Variants in FAM20C observed in about 807,000 individuals in gnomAD.
FAM20C encodes extracellular serine/threonine protein kinase FAM20C.
FAM20C carries 40 observed loss-of-function variants against 51.5 expected under a neutral mutation model. The ratio of observed to expected loss-of-function variants is 0.78; its 90% confidence interval spans 0.60 to 1.01. The LOEUF (loss-of-function observed/expected upper bound fraction) is 1.01, where lower values mean the gene tolerates loss of function less well. FAM20C is among the 50% of genes least tolerant of loss of function. FAM20C has a pLI of 0.00. For synonymous variants in FAM20C, 406 were observed against 380.6 expected, an observed-to-expected ratio of 1.07 and a Z score of -0.78; for missense variants, 861 against 844.7, an observed-to-expected ratio of 1.02 and a Z score of -0.24.
chr7:208,806 A>C (rs1207105043), intron 2 of FAM20C, 92 bp from the exon 3 acceptor site: 1 of 1,304,384 alleles, frequency 7.7e-7, no homozygotes, highest in Non-Finnish European at 1.1e-6. Flanking sequence ...TGCCCAGAGG[A>C]CCCGGATTGC....
At position 248,625 on chromosome 7, in the gene FAM20C, G is replaced by T. The variant is rs189370057; in HGVS notation, c.1072+195G>T. Among the ~76,000 whole-genome samples the T allele has an allele frequency of 2.0e-4, 28 of 142,122 alleles. 1 individual carries two copies. The highest frequency in any genetic ancestry group is 1.8e-3 in the Admixed American group (26 of 14,400). 93.2% of individuals were successfully genotyped at this position (142,122 alleles called of 152,430 possible). On this transcript the variant is annotated intron_variant, in intron 5 of 9. Coordinates refer to ENST00000313766, the MANE Select transcript of FAM20C (RefSeq NM_020223.4). Reference sequence around the variant, plus strand: ...TCATCTCTTCAGGTAGCCTGGCACGGGGAGCCCACATTCATCTCGCCAGGT... The same window carrying T: ...TCATCTCTTCAGGTAGCCTGGCACGTGGAGCCCACATTCATCTCGCCAGGT...
At chr7:231,140 C>G (rs1369412538) in intron 3 of FAM20C, among the ~76,000 whole-genome samples, 2 of 152,094 alleles carry the variant, frequency 1.3e-5, no homozygotes, top group Non-Finnish European at 2.9e-5. Context: ...CCCTCCCATC[C>G]AAGCATCAGG....
intron 2 of FAM20C, among the ~76,000 whole-genome samples, chr7:197,915 C>G (rs1420938018): frequency 6.6e-6 from 1 of 152,218 alleles, no homozygotes; most frequent in Non-Finnish European, 1.5e-5. Flanking sequence ...TGCCACCCCT[C>G]TTTGGTCCAG....
At position 260,412 on chromosome 7, in the gene FAM20C, C is replaced by G. The variant is rs1215329859; in HGVS notation, c.*432C>G. ...CTCACCCCTCAAGTGCTCTCACACT[C>G]GGGACCTAATTCAAGTAAAAACCCT... On this transcript the variant is annotated 3_prime_UTR_variant, in exon 10 of 10. Coordinates refer to ENST00000313766, the MANE Select transcript of FAM20C (RefSeq NM_020223.4). 6.4e-6 allele frequency: 1 copy of G among 155,890 alleles called. No individual in the cohort carries two copies. Among genetic ancestry groups the G allele is most frequent in the African/African-American group, 2.4e-5 (1 of 41,620 alleles). The allele number at this position is 155,890 out of a possible 1,614,324, so 9.7% of individuals were successfully genotyped here.
At chr7:224,011 T>TTACGGGGGTCG (rs1787354011) in intron 3 of FAM20C, among the ~76,000 whole-genome samples, 1 of 151,214 alleles carries the variant, frequency 6.6e-6, no homozygotes, top group African/African-American at 2.4e-5. Flanking sequence ...GCCAGCACCA[T>TTACGGGGGTCG]CACGGGGGTC....
Position 257,942 on chromosome 7 carries a change from C to G in FAM20C, c.1446-704C>G, listed in dbSNP as rs566620280. On this transcript the variant is annotated intron_variant, in intron 8 of 9. Transcript: ENST00000313766. ...CACACTGCCTGGGGTGCTGGAGATG[C>G]CCGGGGTGGACCCACTGCCTGAGGT... 3.9e-3 allele frequency among the ~76,000 whole-genome samples: 180 copies of G among 46,074 alleles called. 12 individuals are homozygous for G. Among genetic ancestry groups the G allele is most frequent in the African/African-American group, 0.011 (116 of 10,530 alleles). 30.2% of individuals were successfully genotyped at this position (46,074 alleles called of 152,430 possible). A position where few individuals can be genotyped will look rare whatever the true frequency, so the allele number is the denominator to read the frequency against.
intron 3 of FAM20C, among the ~76,000 whole-genome samples, chr7:234,451 G>A (rs960090679): frequency 6.6e-6 from 1 of 152,192 alleles, no homozygotes; most frequent in Non-Finnish European, 1.5e-5. Flanking sequence ...TGTATCGGGG[G>A]TGGCTGGCCG....
intron 3 of FAM20C, among the ~76,000 whole-genome samples, chr7:218,554 G>C (rs1787108861): frequency 6.6e-6 from 1 of 152,182 alleles, no homozygotes. Context: ...GGCAGGGTCT[G>C]AGTGACAAGT....
chr7:229,183 G>T (rs942498868), intron 3 of FAM20C: 6 of 267,536 alleles, frequency 2.2e-5, no homozygotes, highest in Non-Finnish European at 3.7e-5. Context: ...GAAATAGGCG[G>T]ATTGTCTGGG....
chr7:197,084 A>T (rs994984625), intron 2 of FAM20C: 1 of 166,778 alleles, frequency 6.0e-6, no homozygotes, highest in Non-Finnish European at 1.5e-5. Context: ...GAGCATGGCC[A>T]TTAAGGAAAT....
intron 3 of FAM20C, among the ~76,000 whole-genome samples, chr7:236,086 T>G (rs1260564736): frequency 2.6e-5 from 4 of 152,310 alleles, no homozygotes; most frequent in Non-Finnish European, 4.4e-5. Flanking sequence ...GGTGACCGCT[T>G]CGGCCGAGTT....
In FAM20C at chr7:198,912, A is replaced by G. The variant is rs923844034; in HGVS notation, c.784+3180A>G. On this transcript the variant is annotated intron_variant, in intron 2 of 9. Coordinates refer to ENST00000313766, the MANE Select transcript of FAM20C (RefSeq NM_020223.4). ...GGTCTCAGTCTAGATGCTGGGCCCTATTCTCCCTGCTGCCTTGGGCTTGGA... is the reference window on the plus strand; with the variant it reads ...GGTCTCAGTCTAGATGCTGGGCCCTGTTCTCCCTGCTGCCTTGGGCTTGGA... 3.3e-5 allele frequency among the ~76,000 whole-genome samples: 5 copies of G among 152,208 alleles called. No individual in the cohort carries two copies. In the East Asian group the frequency reaches 7.7e-4, roughly 23 times the overall value.
At chr7:197,913 C>A (rs12540534) in intron 2 of FAM20C, among the ~76,000 whole-genome samples, 53,726 of 152,214 alleles carry the variant, frequency 0.35, 10,806 homozygotes, top group East Asian at 0.44. Flanking sequence ...ACTGCCACCC[C>A]TCTTTGGTCC....
chr7:196,266 C>T (rs1785867473), intron 2 of FAM20C, among the ~76,000 whole-genome samples: 1 of 151,520 alleles, frequency 6.6e-6, no homozygotes, highest in African/African-American at 2.4e-5. Context: ...GAGGCCTGGG[C>T]CTCCCAGATG....
At chr7:242,183 T>A (rs907420270) in intron 3 of FAM20C, among the ~76,000 whole-genome samples, 1 of 152,184 alleles carries the variant, frequency 6.6e-6, no homozygotes, top group Admixed American at 6.5e-5. Flanking sequence ...CCAGGCCCTG[T>A]GTGTGCCCGT....
rs1785667625 is a variant in FAM20C, at chr7:193,363, T to A, written c.164T>A (p.Val55Glu). ...GCSCAQPAAE[V>E]AAPGWAQVRG... ...TCGTGCGCGCAGCCCGCCGCCGAGG[T>A]GGCCGCGCCCGGCTGGGCCCAGGTT... The change falls in exon 1 of 10, where the codon GTG (valine) becomes GAG (glutamate). Residue 55 changes from valine (V) to glutamate (E), a missense_variant. Physicochemically the swap from Val to Glu is moderately radical, Grantham distance 121. Coordinates refer to ENST00000313766, the MANE Select transcript of FAM20C (RefSeq NM_020223.4). The A allele has an allele frequency of 3.2e-6, 4 of 1,264,308 alleles. No individual in the cohort carries two copies. The highest frequency in any genetic ancestry group is 2.0e-6 in the Non-Finnish European group (2 of 1,006,334). 78.3% of individuals were successfully genotyped at this position (1,264,308 alleles called of 1,614,324 possible).
At chr7:257,867 TG>T (rs780074004) in intron 8 of FAM20C, among the ~76,000 whole-genome samples, 2,785 of 30,522 alleles carry the variant, frequency 0.091, 319 homozygotes, top group Middle Eastern at 0.14. Context: ...GTGCTGGAGA[TG>T]GGGCTGGGTG....
intron 3 of FAM20C, among the ~76,000 whole-genome samples, chr7:234,476 G>T (rs1170992519): frequency 6.6e-6 from 1 of 152,148 alleles, no homozygotes; most frequent in Non-Finnish European, 1.5e-5. Context: ...CAGGGCCGGC[G>T]TGCCAGGACC....
intron 6 of FAM20C, chr7:256,254 C>T: frequency 1.6e-6 from 1 of 624,222 alleles, no homozygotes; most frequent in African/African-American, 1.8e-5. Context: ...CCGGCCTGCC[C>T]ACCAGGTCCC....
Sources: allele counts gnomAD v4.1 joint callset (sites outside exome capture counted in the v4.1 genomes callset), GRCh38; gene constraint gnomAD v4.1.1; transcripts MANE v1.5; gene names NCBI Gene and HGNC (gene_info 2026-07-23, HGNC 2026-07-21).